Variants in CCNY observed in about 807,000 individuals in gnomAD.
CCNY encodes the protein cyclin Y, also known as cyclin-Y.
In CCNY, 19 loss-of-function variants were observed where a neutral mutation model predicts 42.8. The observed-to-expected ratio is 0.44, with a 90% CI of 0.31 to 0.65. CCNY has a LOEUF of 0.65. CCNY is among the 30% of genes least tolerant of loss of function. The pLI is 0.07. For synonymous variants in CCNY, 165 were observed against 162.7 expected, an observed-to-expected ratio of 1.01 and a Z score of -0.11; for missense variants, 370 against 437.3, an observed-to-expected ratio of 0.85 and a Z score of 1.37.
intron 1 of CCNY, among the ~76,000 whole-genome samples, chr10:35,353,691 T>G (rs1211354909): frequency 6.6e-6 from 1 of 152,222 alleles, no homozygotes. Flanking sequence ...ACACTGTACC[T>G]CTTTTAAACC....
intron 4 of CCNY, 136 bp from the exon 5 acceptor site, chr10:35,525,828 A>C: frequency 3.4e-6 from 2 of 582,368 alleles, no homozygotes; most frequent in Non-Finnish European, 5.7e-6. Flanking sequence ...GAGCATTGTG[A>C]ATGAGATGGG....
At chr10:35,509,534 C>T (rs1246551265) in intron 3 of CCNY, among the ~76,000 whole-genome samples, 2 of 152,150 alleles carry the variant, frequency 1.3e-5, no homozygotes, top group East Asian at 1.9e-4. Context: ...CCTTGGCCTC[C>T]GAAAGTGCTG....
At chr10:35,289,202 G>C (rs927193860) in intron 3 of CCNY, among the ~76,000 whole-genome samples, 2 of 151,914 alleles carry the variant, frequency 1.3e-5, no homozygotes, top group Non-Finnish European at 2.9e-5. Context: ...ATTATTTGCT[G>C]GTAGTATAAA....
At chr10:35,250,626 G>T (rs935490749) in exon 3 of CCNY, 1 of 152,350 alleles carries the variant, frequency 6.6e-6, no homozygotes, top group African/African-American at 2.4e-5. Flanking sequence ...CATCTGAAGA[G>T]GTAAGCCCAG....
At position 35,256,296 on chromosome 10, in the gene CCNY, T is replaced by G. The variant is rs113934095; in HGVS notation, c.-9+5670T>G. Among the ~76,000 whole-genome samples, 656 of 130,854 alleles carry G rather than the reference T, an allele frequency of 5.0e-3. 2 individuals carry two copies. Among genetic ancestry groups the G allele is most frequent in the South Asian group, 0.025 (107 of 4,292 alleles). The allele number at this position is 130,854 out of a possible 152,430, so 85.8% of individuals were successfully genotyped here. ...CTTCCTGCCTTACTATCTTTTGTGT[T>G]TACTTGATTTTTTTATAGTGGAACA... On this transcript the variant is annotated intron_variant, in intron 3 of 11. Coordinates refer to the CCNY transcript ENST00000374706.
At chr10:35,280,994 GTTGC>G (rs779278358) in intron 3 of CCNY, among the ~76,000 whole-genome samples, 5 of 152,148 alleles carry the variant, frequency 3.3e-5, no homozygotes, top group Non-Finnish European at 7.4e-5. Context: ...CACACGAAAA[GTTGC>G]TCTACCTCAT....
intron 1 of CCNY, chr10:35,434,340 C>T (rs1743728584): frequency 6.6e-6 from 1 of 152,214 alleles, no homozygotes; most frequent in Non-Finnish European, 1.5e-5. Flanking sequence ...TCTCTCCACT[C>T]ACAAATGCGT....
intron 4 of CCNY, among the ~76,000 whole-genome samples, chr10:35,519,626 A>G (rs1840503180): frequency 6.6e-6 from 1 of 151,962 alleles, no homozygotes; most frequent in Admixed American, 6.6e-5. Flanking sequence ...GAGAACAGAG[A>G]AGCTGAAGAG....
chr10:35,348,387 G>T (rs1302560162), intron 1 of CCNY, among the ~76,000 whole-genome samples: 2 of 152,214 alleles, frequency 1.3e-5, no homozygotes, highest in East Asian at 3.8e-4. Context: ...CCATCTGAGG[G>T]CTGCTTTGCG....
At chr10:35,269,061 A>G (rs979357350) in intron 3 of CCNY, among the ~76,000 whole-genome samples, 1 of 152,176 alleles carries the variant, frequency 6.6e-6, no homozygotes, top group African/African-American at 2.4e-5. Context: ...TCACTTGGCC[A>G]CACCCTCAGT....
intron 1 of CCNY, among the ~76,000 whole-genome samples, chr10:35,440,125 G>T (rs1470413536): frequency 6.6e-6 from 1 of 152,130 alleles, no homozygotes. Context: ...GTCGTTTTTG[G>T]CGCCTGTGGA....
intron 3 of CCNY, among the ~76,000 whole-genome samples, chr10:35,318,412 T>C (rs1218241365): frequency 6.6e-6 from 1 of 152,062 alleles, no homozygotes; most frequent in Non-Finnish European, 1.5e-5. Flanking sequence ...TATCTAGTCA[T>C]GAAGTAGAAA....
chr10:35,321,165 T>C (rs1433204233), intron 3 of CCNY, among the ~76,000 whole-genome samples: 1 of 149,146 alleles, frequency 6.7e-6, no homozygotes, highest in African/African-American at 2.5e-5. Context: ...CCATTTACTA[T>C]AGTATCAAAA....
intron 3 of CCNY, among the ~76,000 whole-genome samples, chr10:35,280,496 AAG>A (rs1835288605): frequency 6.6e-6 from 1 of 151,634 alleles, no homozygotes; most frequent in Non-Finnish European, 1.5e-5. Flanking sequence ...GGAAGGAAGG[AAG>A]GAAGGAAGGA....
At chr10:35,517,701 A>C (rs1052557967) in intron 4 of CCNY, among the ~76,000 whole-genome samples, 1 of 152,178 alleles carries the variant, frequency 6.6e-6, no homozygotes, top group Admixed American at 6.5e-5. Flanking sequence ...CTAAGTGGCA[A>C]TGCAGCCTCT....
intron 1 of CCNY, among the ~76,000 whole-genome samples, chr10:35,447,612 G>A (rs926135254): frequency 1.3e-5 from 2 of 152,158 alleles, no homozygotes; most frequent in African/African-American, 4.8e-5. Context: ...ATTTCAAGAG[G>A]TTTGAGGTGT....
chr10:35,323,124 T>A (rs1835839925), intron 3 of CCNY, among the ~76,000 whole-genome samples: 1 of 152,132 alleles, frequency 6.6e-6, no homozygotes, highest in Non-Finnish European at 1.5e-5. Flanking sequence ...ACACAGGGTT[T>A]CGTCATGTTG....
chr10:35,424,090 G>A (rs996803096), intron 1 of CCNY, among the ~76,000 whole-genome samples: 2 of 152,018 alleles, frequency 1.3e-5, no homozygotes, highest in South Asian at 2.1e-4. Flanking sequence ...TCGGAGCCTC[G>A]TTTCTCATCT....
chr10:35,355,068 A>G (rs1015818171), intron 1 of CCNY, among the ~76,000 whole-genome samples: 2 of 152,156 alleles, frequency 1.3e-5, no homozygotes, highest in Non-Finnish European at 2.9e-5. Context: ...TTGCCCCACT[A>G]GTGGGATGGC....
Sources: allele counts gnomAD v4.1 joint callset (sites outside exome capture counted in the v4.1 genomes callset), GRCh38; gene constraint gnomAD v4.1.1; transcripts MANE v1.5; gene names NCBI Gene and HGNC (gene_info 2026-07-23, HGNC 2026-07-21).